Variants in RINL observed in about 807,000 individuals in gnomAD.
RINL encodes the protein Ras and Rab interactor like.
Under a neutral mutation model 58.1 loss-of-function variants are expected in RINL, and 39 were observed. The observed-to-expected ratio is 0.67, with a 90% CI of 0.52 to 0.88. The LOEUF is 0.88. Ranked by LOEUF, RINL falls within the 40% of genes least tolerant of loss-of-function variation. The pLI is 0.00. For missense variants in RINL, 711 were observed against 749.2 expected, an observed-to-expected ratio of 0.95 and a Z score of 0.60; for synonymous variants, 286 against 323.1, an observed-to-expected ratio of 0.89 and a Z score of 1.23.
At chr19:38,876,600 T>G in intron 2 of RINL, 93 bp downstream of exon 2, 1 of 1,449,492 alleles carries the variant, frequency 6.9e-7, no homozygotes, top group African/African-American at 1.4e-5. Flanking sequence ...CTCAGAGATG[T>G]GATTCAGGAT....
At position 38,869,875 on chromosome 19, in the gene RINL, A is replaced by G; in HGVS notation, c.1342+68T>C. The G allele has an allele frequency of 6.5e-7, 1 of 1,534,444 alleles. No individual in the cohort carries two copies. ...CGCATAGATTCCTCCCACCAGTGCT[A>G]CCCTCTCCCGCCTGGCTCCAACTCT... On this transcript the variant is annotated intron_variant, in intron 9 of 11. Coordinates refer to ENST00000591812, the MANE Select transcript of RINL (RefSeq NM_001195833.2). This position sits in a 1 kb window ranked among gnomAD's most constrained non-coding sequence, Gnocchi z 5.7.
chr19:38,875,191 C>T (rs1240763912), intron 3 of RINL, among the ~76,000 whole-genome samples: 3 of 149,626 alleles, frequency 2.0e-5, no homozygotes, highest in African/African-American at 7.3e-5. Flanking sequence ...TACCTGGGCC[C>T]CATCCTTTTT....
chr19:38,870,089 C>T lies in RINL; in HGVS notation c.1196G>A (p.Gly399Glu), dbSNP rs551994146. ...PPGAQGPGPEGQSPAPALRSR... is the reference protein window; with the variant it reads ...PPGAQGPGPEEQSPAPALRSR... ...CCGCAAGGCGGGGGCGGGGCTCTGCCCTTCCGGTCCCGGCCCCTGTGCCCC... is the reference window on the plus strand; with the variant it reads ...CCGCAAGGCGGGGGCGGGGCTCTGCTCTTCCGGTCCCGGCCCCTGTGCCCC... The change falls in exon 9 of 12, where the codon GGG (glycine) becomes GAG (glutamate). Residue 399 changes from glycine (G) to glutamate (E), a missense_variant. Gly to Glu is a moderately conservative substitution (Grantham distance 98, BLOSUM62 -2). Coordinates refer to ENST00000591812, the MANE Select transcript of RINL (RefSeq NM_001195833.2). This position sits in a 1 kb window ranked among gnomAD's most constrained non-coding sequence, Gnocchi z 5.8. 3.1e-4 allele frequency: 460 copies of T among 1,495,806 alleles called. 2 individuals carry two copies. The Admixed American group carries it at 3.3e-3, about 11-fold the overall frequency. The allele number at this position is 1,495,806 out of a possible 1,614,324, so 92.7% of individuals were successfully genotyped here. A position where few individuals can be genotyped will look rare whatever the true frequency, so the allele number is the denominator to read the frequency against.
intron 1 of RINL, 113 bp from the exon 2 acceptor site, chr19:38,876,894 G>A (rs1402422139): frequency 3.2e-6 from 2 of 634,868 alleles, no homozygotes; most frequent in Non-Finnish European, 5.6e-6. Flanking sequence ...CCCAGAGGCC[G>A]CTTGCCGTGG....
intron 1 of RINL, among the ~76,000 whole-genome samples, chr19:38,877,263 C>T (rs1972954320): frequency 6.6e-6 from 1 of 152,160 alleles, no homozygotes; most frequent in Non-Finnish European, 1.5e-5. Context: ...CTGGGGATCC[C>T]AGGAGAGAGG....
chr19:38,871,892 G>A (rs748987101), intron 4 of RINL, 22 bp from the exon 5 acceptor site: 16 of 1,603,158 alleles, frequency 1.0e-5, no homozygotes, highest in African/African-American at 6.7e-5. Context: ...GGAGGAAGAA[G>A]GAGAAAGTAA....
chr19:38,872,358 C>G (rs1055533308), intron 4 of RINL, among the ~76,000 whole-genome samples: 1 of 151,006 alleles, frequency 6.6e-6, no homozygotes, highest in Non-Finnish European at 1.5e-5. Context: ...TGGTGGTGGG[C>G]GCCTGTAATC....
rs1972797087 is a variant in RINL, at chr19:38,870,944, A to G, written c.650T>C (p.Leu217Pro). Reference protein sequence around the residue: ...PHGVSWVKGPLSPEVDHPGPA... With the variant: ...PHGVSWVKGPPSPEVDHPGPA... ...CCCAGGATGGTCCACTTCCGGGCTG[A>G]GCGGGCCTTTCACCCAGGAGACCCC... is the stretch of plus-strand genomic sequence containing the variant. The change falls in exon 8 of 12, where the codon CTC becomes CCC. Residue 217 changes from leucine (L) to proline (P), a missense_variant. Physicochemically the swap from Leu to Pro is moderately conservative, Grantham distance 98. Coordinates refer to ENST00000591812, the MANE Select transcript of RINL (RefSeq NM_001195833.2). This position sits in a 1 kb window ranked among gnomAD's most constrained non-coding sequence, Gnocchi z 5.8. 6.2e-7 allele frequency: 1 copy of G among 1,605,354 alleles called. No individual in the cohort carries two copies. The highest frequency in any genetic ancestry group is 8.5e-7 in the Non-Finnish European group (1 of 1,179,542).
rs929243720 is a variant in RINL at position 38,870,125 on chromosome 19, G to A, written c.1160C>T (p.Ala387Val). 1.4e-6 allele frequency: 2 copies of A among 1,420,516 alleles called. No homozygotes were observed. The highest frequency in any genetic ancestry group is 3.2e-5 in the Admixed American group (1 of 31,090). 88.0% of individuals were successfully genotyped at this position (1,420,516 alleles called of 1,614,324 possible). The change falls in exon 9 of 12, where the codon GCG becomes GTG. Residue 387 changes from alanine to valine, a missense_variant. Coordinates refer to ENST00000591812, the MANE Select transcript of RINL (RefSeq NM_001195833.2). The surrounding 1 kb of genome is among the most constrained non-coding windows in gnomAD (Gnocchi z 5.8). ...RRRQTALRAG[A>V]GPPGAQGPGP... ...CGGCCCCTGTGCCCCCGGAGGCCCC[G>A]CCCCCGCCCGCAGGGCTGTCTGTCG...
intron 1 of RINL, among the ~76,000 whole-genome samples, chr19:38,877,341 T>C (rs1348406148): frequency 2.6e-5 from 4 of 152,206 alleles, no homozygotes; most frequent in African/African-American, 9.6e-5. Flanking sequence ...GTAGGAAATA[T>C]GTTAAGATTT....
chr19:38,871,390 C>T (rs997349055), intron 6 of RINL, 163 bp from the exon 7 acceptor site: 1 of 774,276 alleles, frequency 1.3e-6, no homozygotes, highest in South Asian at 1.8e-5. Flanking sequence ...CCCCTAGTCC[C>T]CTTCTCACTT....
In RINL at chr19:38,868,643, A is replaced by C. The variant is rs1420071460; in HGVS notation, c.*461T>G. On this transcript the variant is annotated 3_prime_UTR_variant, in exon 12 of 12. Coordinates refer to ENST00000591812, the MANE Select transcript of RINL (RefSeq NM_001195833.2). ...CAGAGACGTTCTTTCAAAACAAAAC[A>C]AAACCCCCTGTTCCTCAAGCAAGAT... 1 of 153,704 alleles carries C rather than the reference A, an allele frequency of 6.5e-6. No homozygotes were observed. Among genetic ancestry groups the C allele is most frequent in the African/African-American group, 2.4e-5 (1 of 41,420 alleles). The allele number at this position is 153,704 out of a possible 1,614,324, so 9.5% of individuals were successfully genotyped here. A position where few individuals can be genotyped will look rare whatever the true frequency, so the allele number is the denominator to read the frequency against.
In RINL at chr19:38,874,006, A is replaced by G. The variant is rs1460579417; in HGVS notation, c.211-18T>C. On this transcript the variant is annotated intron_variant, in intron 3 of 11. Transcript: ENST00000591812. ...AAGAAACTCTGGGGGATAGAGACAA[A>G]GGCCAGCGTGACAAAGGTGTGCGCA... 1 of 1,452,794 alleles carries G rather than the reference A, an allele frequency of 6.9e-7. No homozygotes were observed. Among genetic ancestry groups the G allele is most frequent in the Non-Finnish European group, 9.3e-7 (1 of 1,071,374 alleles). The allele number at this position is 1,452,794 out of a possible 1,614,324, so 90.0% of individuals were successfully genotyped here. A position where few individuals can be genotyped will look rare whatever the true frequency, so the allele number is the denominator to read the frequency against.
Position 38,869,432 on chromosome 19 carries a change from A to T in RINL, c.1475-22T>A. On this transcript the variant is annotated intron_variant, in intron 10 of 11. Transcript: ENST00000591812. This position sits in a 1 kb window ranked among gnomAD's most constrained non-coding sequence, Gnocchi z 5.7. ...CCAGCTGGGGACAGAAAGGGAAGTC[A>T]GCTCCGCCCTCTCGGCTTCCCTGGT... 1.9e-6 allele frequency: 3 copies of T among 1,580,578 alleles called. No individual in the cohort carries two copies. The East Asian group carries it at 6.7e-5, about 36-fold the overall frequency.
chr19:38,870,120 GC>G lies in RINL; in HGVS notation c.1164del (p.Pro389LeufsTer71). 1.4e-6 allele frequency: 2 copies of G among 1,425,590 alleles called. No homozygotes were observed. The highest frequency in any genetic ancestry group is 2.9e-5 in the East Asian group (1 of 34,592). 88.3% of individuals were successfully genotyped at this position (1,425,590 alleles called of 1,614,324 possible). A position where few individuals can be genotyped will look rare whatever the true frequency, so the allele number is the denominator to read the frequency against. On this transcript the variant is annotated frameshift_variant, in exon 9 of 12. Transcript: ENST00000591812. LOFTEE classifies it high-confidence loss of function. This position sits in a 1 kb window ranked among gnomAD's most constrained non-coding sequence, Gnocchi z 5.8. ...GGTCCCGGCCCCTGTGCCCCCGGAG[GC>G]CCCGCCCCCGCCCGCAGGGCTGTCT... ...RRQTALRAGA[G>X]PPGAQGPGPE...
chr19:38,870,511 G>A lies in RINL; in HGVS notation c.1024+59C>T. 1 of 1,490,256 alleles carries A rather than the reference G, an allele frequency of 6.7e-7. No individual in the cohort carries two copies. 92.3% of individuals were successfully genotyped at this position (1,490,256 alleles called of 1,614,324 possible). On this transcript the variant is annotated intron_variant, in intron 8 of 11. Transcript: ENST00000591812. The surrounding 1 kb of genome is among the most constrained non-coding windows in gnomAD (Gnocchi z 5.8). The stretch of plus-strand genomic sequence containing the variant: ...CAGAAGGAAACGTGTGCGCACCGAT[G>A]GAGAGGACGAAGTTGCACACTTGAA...
In RINL at chr19:38,868,943, G is replaced by T. The variant is rs1302252827; in HGVS notation, c.*161C>A. ...TGAGTAGCTGGTACCACAGGAGTAC[G>T]CCACCACGCCCGGCTAATTTTTGTT... On this transcript the variant is annotated 3_prime_UTR_variant, in exon 12 of 12. Transcript: ENST00000591812. The T allele has an allele frequency of 1.6e-6, 1 of 627,692 alleles. No individual in the cohort carries two copies. Among genetic ancestry groups the T allele is most frequent in the Non-Finnish European group, 2.7e-6 (1 of 373,610 alleles). 38.9% of individuals were successfully genotyped at this position (627,692 alleles called of 1,614,324 possible).
intron 6 of RINL, 167 bp downstream of exon 6, chr19:38,871,479 AT>A (rs1972813538): frequency 1.4e-6 from 1 of 706,672 alleles, no homozygotes; most frequent in Admixed American, 2.9e-5. Flanking sequence ...ACAGGCCCCC[AT>A]CCCCTCCTCC....
chr19:38,869,191 T>A lies in RINL; in HGVS notation c.1639-25A>T, dbSNP rs773607668. 6.2e-7 allele frequency: 1 copy of A among 1,614,044 alleles called. No individual in the cohort carries two copies. Among genetic ancestry groups the A allele is most frequent in the East Asian group, 2.2e-5 (1 of 44,872 alleles). On this transcript the variant is annotated intron_variant, in intron 11 of 11. Transcript: ENST00000591812. The surrounding 1 kb of genome is among the most constrained non-coding windows in gnomAD (Gnocchi z 5.7). ...CCTGTGGGGAGAGGTGGGAGCTGGGTCAGAAGGGCACCAGGTCTCACCCTC... is the reference window on the plus strand; with the variant it reads ...CCTGTGGGGAGAGGTGGGAGCTGGGACAGAAGGGCACCAGGTCTCACCCTC...
Sources: allele counts gnomAD v4.1 joint callset (sites outside exome capture counted in the v4.1 genomes callset), GRCh38; gene constraint gnomAD v4.1.1; non-coding constraint Gnocchi (gnomAD v3.1); transcripts MANE v1.5; gene names NCBI Gene and HGNC (gene_info 2026-07-23, HGNC 2026-07-21).